EPM2A: variants seen among roughly 807,000 people sequenced by gnomAD.
EPM2A encodes the protein laforin.
EPM2A carries 21 observed loss-of-function variants against 26.5 expected under a neutral mutation model. The observed-to-expected ratio is 0.79, with a 90% CI of 0.56 to 1.14. The LOEUF (loss-of-function observed/expected upper bound fraction) is 1.14. Among genes scored for constraint, EPM2A ranks in the 50% most tolerant of loss-of-function variants. EPM2A has a pLI of 0.00. For synonymous variants in EPM2A, 217 were observed against 177.6 expected, an observed-to-expected ratio of 1.22 and a Z score of -1.76; for missense variants, 458 against 440.8, an observed-to-expected ratio of 1.04 and a Z score of -0.35.
At chr6:145,604,002 A>C (rs1003712057) in intron 2 of EPM2A, among the ~76,000 whole-genome samples, 4 of 152,210 alleles carry the variant, frequency 2.6e-5, no homozygotes, top group African/African-American at 9.6e-5. Flanking sequence ...ATCTTAAACA[A>C]TTTAAATGAA....
intron 2 of EPM2A, among the ~76,000 whole-genome samples, chr6:145,581,762 T>C (rs1488965104): frequency 6.6e-6 from 1 of 152,236 alleles, no homozygotes; most frequent in East Asian, 1.9e-4. Flanking sequence ...TCCTCATTAC[T>C]TGTTTTTGTA....
intron 2 of EPM2A, among the ~76,000 whole-genome samples, chr6:145,656,743 T>C (rs1459968471): frequency 6.6e-6 from 1 of 152,164 alleles, no homozygotes; most frequent in African/African-American, 2.4e-5. Context: ...GGGATCATTT[T>C]CTCACCCAGC....
At chr6:145,693,982 A>C (rs1781428108) in intron 1 of EPM2A, among the ~76,000 whole-genome samples, 1 of 151,978 alleles carries the variant, frequency 6.6e-6, no homozygotes. Context: ...CAACTAACTC[A>C]TTATTTTACA....
intron 2 of EPM2A, among the ~76,000 whole-genome samples, chr6:145,652,623 T>C (rs1383818326): frequency 1.3e-5 from 2 of 151,916 alleles, no homozygotes; most frequent in Non-Finnish European, 2.9e-5. Context: ...ACTCCCCTCA[T>C]ATTCTTTGTA....
At chr6:145,689,615 C>G (rs2128617599) in intron 1 of EPM2A, among the ~76,000 whole-genome samples, 2 of 152,252 alleles carry the variant, frequency 1.3e-5, no homozygotes, top group Middle Eastern at 6.8e-3. Context: ...TCTCTCTAGC[C>G]AAATGAAAAG....
Position 145,627,280 on chromosome 6 carries a change from C to T in EPM2A, c.*136G>A, listed in dbSNP as rs536074550. 3.2e-6 allele frequency: 5 copies of T among 1,561,910 alleles called. No individual in the cohort carries two copies. The highest frequency in any genetic ancestry group is 1.9e-5 in the Admixed American group (1 of 52,636). ...AACAAAGCATAATCGAAAGTCATCC[C>T]AGGTGAAAGTGGTTGGCTTGGGGGA... On this transcript the variant is annotated 3_prime_UTR_variant, in exon 4 of 4. Coordinates refer to ENST00000367519, the MANE Select transcript of EPM2A (RefSeq NM_005670.4).
At chr6:145,555,690 C>T (rs1780719703) in intron 2 of EPM2A, among the ~76,000 whole-genome samples, 1 of 152,034 alleles carries the variant, frequency 6.6e-6, no homozygotes, top group Non-Finnish European at 1.5e-5. Flanking sequence ...GTTGTGTGTG[C>T]TTGCATTTTT....
At chr6:145,385,718 CA>C (rs1778251285) in intron 4 of EPM2A, among the ~76,000 whole-genome samples, 2 of 152,134 alleles carry the variant, frequency 1.3e-5, no homozygotes, top group African/African-American at 4.8e-5. Flanking sequence ...GTATTTAAGA[CA>C]ATGAGTAGCT....
At chr6:145,387,332 G>C (rs1001826899) in intron 4 of EPM2A, among the ~76,000 whole-genome samples, 38 of 152,100 alleles carry the variant, frequency 2.5e-4, no homozygotes, top group African/African-American at 3.1e-4. Flanking sequence ...ATCACATCAA[G>C]CTTCTTCAGA....
At chr6:145,722,825 A>C in intron 1 of EPM2A, 1 of 442,032 alleles carries the variant, frequency 2.3e-6, no homozygotes, top group South Asian at 1.6e-5. Context: ...CAAAAAGAGA[A>C]GATGGTGTTA....
chr6:145,714,049 G>A (rs1192482825), intron 1 of EPM2A, among the ~76,000 whole-genome samples: 3 of 152,224 alleles, frequency 2.0e-5, no homozygotes, highest in Non-Finnish European at 4.4e-5. Context: ...GAGACAGAAA[G>A]TGCATTCGTG....
At position 145,474,207 on chromosome 6, in the gene EPM2A, A is replaced by C. The variant is rs951912000; in HGVS notation, c.555+28315T>G. 9.8e-5 allele frequency among the ~76,000 whole-genome samples: 15 copies of C among 152,288 alleles called. No homozygotes were observed. In the East Asian group the frequency reaches 2.3e-3, roughly 24 times the overall value. ...ACCAGCGTGGTGGCTCATGCCTGTA[A>C]TCCCAGCACTTTGGGAAGCCAAGGT... On this transcript the variant is annotated intron_variant, in intron 4 of 4. Transcript: ENST00000638717.
At chr6:145,586,305 A>G (rs1279366467) in intron 2 of EPM2A, among the ~76,000 whole-genome samples, 2 of 152,126 alleles carry the variant, frequency 1.3e-5, no homozygotes, top group African/African-American at 4.8e-5. Flanking sequence ...TTCCTGTTAT[A>G]CCATCTTCAC....
At chr6:145,489,662 C>T in intron 4 of EPM2A, 1 of 1,338,182 alleles carries the variant, frequency 7.5e-7, no homozygotes, top group South Asian at 1.2e-5. Context: ...GTTCTGTCCT[C>T]ATTCTCTGCC....
intron 2 of EPM2A, among the ~76,000 whole-genome samples, chr6:145,521,422 A>G (rs1175167920): frequency 2.6e-5 from 4 of 152,212 alleles, no homozygotes; most frequent in African/African-American, 9.6e-5. Context: ...TTGAAATCCA[A>G]TGTCAAAAAT....
intron 2 of EPM2A, among the ~76,000 whole-genome samples, chr6:145,600,839 T>A (rs1020478255): frequency 6.6e-6 from 1 of 152,174 alleles, no homozygotes; most frequent in African/African-American, 2.4e-5. Context: ...GGCTTCTCAA[T>A]GATTTCTTCA....
intron 1 of EPM2A, among the ~76,000 whole-genome samples, chr6:145,723,299 G>A (rs917227297): frequency 6.6e-6 from 1 of 152,088 alleles, no homozygotes; most frequent in Non-Finnish European, 1.5e-5. Flanking sequence ...GTATCACTGA[G>A]TGGGGACATG....
chr6:145,442,258 T>A lies in EPM2A; in HGVS notation c.556-58161A>T, dbSNP rs551949053. 7.2e-5 allele frequency among the ~76,000 whole-genome samples: 11 copies of A among 152,316 alleles called. No individual in the cohort carries two copies. The East Asian group carries it at 2.1e-3, about 29-fold the overall frequency. ...CTCTGTCTGTTACCCAGTTGCAAAG[T>A]TGCTTCTATATCTTCATATATCTTT... On this transcript the variant is annotated intron_variant, in intron 4 of 4. Coordinates refer to the EPM2A transcript ENST00000638717.
intron 2 of EPM2A, among the ~76,000 whole-genome samples, chr6:145,658,907 T>A (rs1206535060): frequency 1.3e-5 from 2 of 152,192 alleles, no homozygotes; most frequent in South Asian, 2.1e-4. Flanking sequence ...TAGGCTTAGA[T>A]ACTTTTTCAT....
Sources: allele counts gnomAD v4.1 joint callset (sites outside exome capture counted in the v4.1 genomes callset), GRCh38; gene constraint gnomAD v4.1.1; transcripts MANE v1.5; gene names NCBI Gene and HGNC (gene_info 2026-07-23, HGNC 2026-07-21).